The following BIRC6 variants were observed in gnomAD, a reference collection of about 807,000 sequenced individuals.
The protein encoded by BIRC6 is dual E2 ubiquitin-conjugating enzyme/E3 ubiquitin-protein ligase BIRC6.
A neutral mutation model predicts 503.3 loss-of-function variants in BIRC6; 98 were observed. That is an observed-to-expected ratio of 0.19 (90% CI 0.17 to 0.23). BIRC6 has a LOEUF of 0.23. Among genes scored for constraint, BIRC6 ranks in the 10% least tolerant of loss-of-function variants. The probability of loss-of-function intolerance (pLI) is 1.00; values close to 1 mark genes in which losing one functional copy is unlikely to be tolerated. For synonymous variants in BIRC6, 2,240 were observed against 2,078.7 expected, an observed-to-expected ratio of 1.08 and a Z score of -2.11; for missense variants, 5,360 against 5,806.0, an observed-to-expected ratio of 0.92 and a Z score of 2.50.
chr2:32,463,982 G>C (rs1416230911), intron 24 of BIRC6, among the ~76,000 whole-genome samples: 2 of 152,176 alleles, frequency 1.3e-5, no homozygotes, highest in Non-Finnish European at 2.9e-5. Context: ...GATCTAGGTT[G>C]CATGTTCCTT....
Position 32,357,240 on chromosome 2 carries a change from C to T in BIRC6, c.79C>T (p.Arg27Trp), listed in dbSNP as rs2033207943. 1.3e-6 allele frequency: 2 copies of T among 1,525,550 alleles called. No homozygotes were observed. Among genetic ancestry groups the T allele is most frequent in the African/African-American group, 1.4e-5 (1 of 69,540 alleles). 94.5% of individuals were successfully genotyped at this position (1,525,550 alleles called of 1,614,324 possible). The change falls in exon 1 of 74, where the codon CGG (arginine) becomes TGG (tryptophan). Residue 27 changes from arginine to tryptophan, a missense_variant. Transcript: ENST00000421745. This position sits in a 1 kb window ranked among gnomAD's most constrained non-coding sequence, Gnocchi z 4.9. Reference sequence around the variant, plus strand: ...CAGTGTGATTGTGCTGAGCGCAGGCCGGAAGATGGCGGCTGCGGCTGCGGC... The same window carrying T: ...CAGTGTGATTGTGCTGAGCGCAGGCTGGAAGATGGCGGCTGCGGCTGCGGC... The part of the protein sequence containing the change: ...LPSVIVLSAG[R>W]KMAAAAAAAS...
chr2:32,495,804 T>TC (rs2052384128), intron 45 of BIRC6, among the ~76,000 whole-genome samples: 1 of 150,212 alleles, frequency 6.7e-6, no homozygotes, highest in Admixed American at 6.6e-5. Context: ...TTTTTTTTTT[T>TC]TTTTTTTGCC....
chr2:32,481,283 ACACTC>A (rs1287779761), intron 37 of BIRC6, 32 bp from the exon 38 acceptor site: 4 of 1,483,042 alleles, frequency 2.7e-6, no homozygotes, highest in South Asian at 2.9e-5. Flanking sequence ...TTTATGTGAT[ACACTC>A]CACCAATAAG....
At chr2:32,497,581 A>T (rs1438051369) in intron 45 of BIRC6, among the ~76,000 whole-genome samples, 1 of 152,106 alleles carries the variant, frequency 6.6e-6, no homozygotes, top group Non-Finnish European at 1.5e-5. Context: ...GAGCTTTGGT[A>T]ATTTTGTGAA....
intron 67 of BIRC6, 66 bp from the exon 68 acceptor site, chr2:32,594,968 A>C (rs1233465124): frequency 3.9e-6 from 4 of 1,028,944 alleles, no homozygotes; most frequent in African/African-American, 1.7e-5. Context: ...AATTCTTTTT[A>C]GTTTTATTTT....
intron 72 of BIRC6, among the ~76,000 whole-genome samples, chr2:32,608,986 T>C (rs2062664475): frequency 2.6e-5 from 4 of 152,076 alleles, no homozygotes; most frequent in Admixed American, 2.6e-4. Context: ...TTCAAGTGAT[T>C]CTCATGCCTC....
At chr2:32,480,594 T>A (rs1239053283) in intron 37 of BIRC6, among the ~76,000 whole-genome samples, 2 of 146,924 alleles carry the variant, frequency 1.4e-5, no homozygotes, top group African/African-American at 5.0e-5. Context: ...TAATTTCTAA[T>A]TCATAACAGA....
At chr2:32,487,850 G>C (rs759746205) in intron 41 of BIRC6, 49 bp downstream of exon 41, 3 of 1,480,058 alleles carry the variant, frequency 2.0e-6, no homozygotes, top group South Asian at 2.5e-5. Context: ...TTGTTAGCCT[G>C]GTAAAAGATG....
At position 32,476,356 on chromosome 2, in the gene BIRC6, A is replaced by G. The variant is rs775533696; in HGVS notation, c.6852+12A>G. 2 of 1,559,168 alleles carry G rather than the reference A, an allele frequency of 1.3e-6. No individual in the cohort carries two copies. Among genetic ancestry groups the G allele is most frequent in the Non-Finnish European group, 1.7e-6 (2 of 1,153,272 alleles). On this transcript the variant is annotated intron_variant, in intron 34 of 73. Coordinates refer to ENST00000421745, the MANE Select transcript of BIRC6 (RefSeq NM_016252.4). ...AGGCCACTTCAAAGGTATGATCTATACTTTTCAATATAGTTATCTCAGAAA... is the reference window on the plus strand; with the variant it reads ...AGGCCACTTCAAAGGTATGATCTATGCTTTTCAATATAGTTATCTCAGAAA...
chr2:32,568,148 T>G (rs750109860), intron 65 of BIRC6, among the ~76,000 whole-genome samples: 2 of 147,842 alleles, frequency 1.4e-5, no homozygotes, highest in Non-Finnish European at 3.0e-5. Context: ...AGGAGAGAAA[T>G]AGTCAAAAGA....
chr2:32,577,398 C>T (rs2060336453), intron 66 of BIRC6, among the ~76,000 whole-genome samples: 1 of 151,964 alleles, frequency 6.6e-6, no homozygotes, highest in African/African-American at 2.4e-5. Context: ...TATATTTTGT[C>T]TTTTAGATGA....
intron 66 of BIRC6, among the ~76,000 whole-genome samples, chr2:32,586,258 AAAAC>A (rs1390134325): frequency 4.0e-5 from 6 of 151,202 alleles, no homozygotes; most frequent in Non-Finnish European, 7.4e-5. Context: ...TTTAAAAAAA[AAAAC>A]AACTTAAAAA....
In BIRC6 at chr2:32,478,694, C is replaced by T. The variant is rs753263113; in HGVS notation, c.7128C>T (p.Asn2376=). ...RPTIHLCEIV[N]EPQLERLLLL... is the part of the protein sequence containing the mutation. Reference sequence around the variant, plus strand: ...CTATTCATCTGTGTGAGATTGTGAACGAACCCCAGCTGGAAAGACTGCTGT... The same window carrying T: ...CTATTCATCTGTGTGAGATTGTGAATGAACCCCAGCTGGAAAGACTGCTGT... The change falls in exon 36 of 74, where the codon AAC becomes AAT. Residue 2376 remains asparagine, a synonymous_variant. Transcript: ENST00000421745. The T allele has an allele frequency of 1.7e-5, 28 of 1,613,760 alleles. No individual in the cohort carries two copies. The highest frequency in any genetic ancestry group is 1.5e-4 in the Admixed American group (9 of 59,994).
At chr2:32,519,295 T>G in intron 57 of BIRC6, 1 of 205,428 alleles carries the variant, frequency 4.9e-6, no homozygotes, top group East Asian at 1.1e-4. Flanking sequence ...TTAATACACA[T>G]TTACTAAATT....
At chr2:32,541,198 A>T (rs1383705457) in intron 61 of BIRC6, among the ~76,000 whole-genome samples, 1 of 152,120 alleles carries the variant, frequency 6.6e-6, no homozygotes, top group Non-Finnish European at 1.5e-5. Context: ...TCTGTGCAGC[A>T]TAAAATAATA....
chr2:32,383,159 G>C (rs2037932317), intron 3 of BIRC6, among the ~76,000 whole-genome samples: 1 of 151,994 alleles, frequency 6.6e-6, no homozygotes, highest in South Asian at 2.1e-4. Context: ...TGGTTCTCCT[G>C]CCTCAGCCTC....
At chr2:32,390,425 C>A (rs4019431) in intron 4 of BIRC6, among the ~76,000 whole-genome samples, 48,423 of 151,880 alleles carry the variant, frequency 0.32, 8,499 homozygotes, top group East Asian at 0.66. Context: ...CCACCTTGGC[C>A]GCCCAAAGTG....
chr2:32,529,481 A>T, intron 59 of BIRC6, 170 bp from the exon 60 acceptor site: 1 of 575,732 alleles, frequency 1.7e-6, no homozygotes, highest in Non-Finnish European at 2.9e-6. Flanking sequence ...ATATGTCAGA[A>T]ATAAACTCAC....
chr2:32,397,578 G>GTA (rs2040049992), intron 6 of BIRC6, among the ~76,000 whole-genome samples: 1 of 137,586 alleles, frequency 7.3e-6, no homozygotes, highest in Admixed American at 7.7e-5. Flanking sequence ...TAAAGGCTGT[G>GTA]TGTGTGTGTG....
Sources: allele counts gnomAD v4.1 joint callset (sites outside exome capture counted in the v4.1 genomes callset), GRCh38; gene constraint gnomAD v4.1.1; non-coding constraint Gnocchi (gnomAD v3.1); transcripts MANE v1.5; gene names NCBI Gene and HGNC (gene_info 2026-07-23, HGNC 2026-07-21).